Variants in ATRNL1 observed in about 807,000 individuals in gnomAD.
The protein encoded by ATRNL1 is attractin-like protein 1.
A neutral mutation model predicts 182.7 loss-of-function variants in ATRNL1; 95 were observed. The observed-to-expected ratio is 0.52, with a 90% confidence interval of 0.44 to 0.62. ATRNL1 has a LOEUF of 0.62. ATRNL1 is among the 20% of genes least tolerant of loss of function. The pLI, the probability that ATRNL1 is intolerant of heterozygous loss-of-function variation, is 0.00. For synonymous variants in ATRNL1, 576 were observed against 568.3 expected (o/e 1.01, Z -0.19); for missense variants, 1,471 against 1,679.5 (o/e 0.88, Z 2.17).
chr10:115,147,774 T>A (rs1341990233), intron 5 of ATRNL1, among the ~76,000 whole-genome samples: 2 of 152,082 alleles, frequency 1.3e-5, no homozygotes, highest in Non-Finnish European at 2.9e-5. Flanking sequence ...TCAGTGAGTA[T>A]AAATATGTAG....
chr10:115,614,482 GAGA>G (rs1425033881), intron 26 of ATRNL1, among the ~76,000 whole-genome samples: 1 of 152,158 alleles, frequency 6.6e-6, no homozygotes, highest in Non-Finnish European at 1.5e-5. Flanking sequence ...ATATGCTGAA[GAGA>G]AGATTGTTTT....
intron 24 of ATRNL1, among the ~76,000 whole-genome samples, chr10:115,497,058 T>C (rs1232236312): frequency 6.6e-6 from 1 of 152,298 alleles, no homozygotes; most frequent in Non-Finnish European, 1.5e-5. Flanking sequence ...TGTTCATTTT[T>C]TTAATTCTTT....
At chr10:115,476,151 T>G (rs1460308787) in intron 24 of ATRNL1, among the ~76,000 whole-genome samples, 1 of 151,374 alleles carries the variant, frequency 6.6e-6, no homozygotes, top group Non-Finnish European at 1.5e-5. Flanking sequence ...ATTTCCTGAT[T>G]TTTCCTGTGA....
intron 25 of ATRNL1, among the ~76,000 whole-genome samples, chr10:115,535,957 G>A (rs898062282): frequency 5.9e-5 from 9 of 151,490 alleles, no homozygotes; most frequent in African/African-American, 1.7e-4. Flanking sequence ...CTGTCTGATC[G>A]TTCCTCTGGA....
intron 1 of ATRNL1, among the ~76,000 whole-genome samples, chr10:115,109,910 T>C (rs1260414098): frequency 5.3e-5 from 8 of 152,280 alleles, no homozygotes; most frequent in Admixed American, 4.6e-4. Context: ...GGTACAACCA[T>C]CACCATTACC....
chr10:115,735,995 T>C (rs1947938944), intron 27 of ATRNL1, among the ~76,000 whole-genome samples: 1 of 152,196 alleles, frequency 6.6e-6, no homozygotes, highest in African/African-American at 2.4e-5. Flanking sequence ...TTCAGCAGTT[T>C]TATCACAATT....
chr10:115,774,382 A>T (rs1324114455), intron 27 of ATRNL1, among the ~76,000 whole-genome samples: 1 of 144,850 alleles, frequency 6.9e-6, no homozygotes, highest in African/African-American at 2.6e-5. Flanking sequence ...CCGAGATCAC[A>T]CCACTGCACT....
chr10:115,634,438 A>C (rs1277188975), intron 26 of ATRNL1, among the ~76,000 whole-genome samples: 4 of 152,176 alleles, frequency 2.6e-5, no homozygotes, highest in Non-Finnish European at 5.9e-5. Context: ...GTAACGTTTT[A>C]TGACTGATGA....
intron 19 of ATRNL1, among the ~76,000 whole-genome samples, chr10:115,368,383 C>G (rs1179285410): frequency 6.6e-6 from 1 of 152,218 alleles, no homozygotes; most frequent in Non-Finnish European, 1.5e-5. Flanking sequence ...TGCTTCGGCT[C>G]GCGCACGGTG....
At chr10:115,297,168 G>A (rs1853237401) in intron 15 of ATRNL1, among the ~76,000 whole-genome samples, 1 of 152,094 alleles carries the variant, frequency 6.6e-6, no homozygotes, top group Non-Finnish European at 1.5e-5. Flanking sequence ...AATGGCTAGA[G>A]GATAAGATAT....
At chr10:115,692,844 T>C (rs1438548169) in intron 26 of ATRNL1, among the ~76,000 whole-genome samples, 1 of 152,096 alleles carries the variant, frequency 6.6e-6, no homozygotes, top group East Asian at 1.9e-4. Context: ...TAGTGTTCAA[T>C]GTATATGTGA....
chr10:115,607,599 G>T (rs1321741801), intron 26 of ATRNL1, among the ~76,000 whole-genome samples: 4 of 151,784 alleles, frequency 2.6e-5, no homozygotes, highest in African/African-American at 9.7e-5. Flanking sequence ...ATTGTTGTTA[G>T]TACCCTAAGG....
rs1592317844 is a variant in ATRNL1 at position 115,246,812 on chromosome 10, G to A, written c.1687+5087G>A. On this transcript the variant is annotated intron_variant, in intron 10 of 28. Transcript: ENST00000355044. ...CCTGACCTCATGATCCACCCGCCTC[G>A]GCCTCCCAAAGTGCTGGGATTACAG... is the stretch of plus-strand genomic sequence containing the variant. Among the ~76,000 whole-genome samples the A allele has an allele frequency of 6.2e-5, 4 of 64,602 alleles. 2 individuals carry two copies. Among genetic ancestry groups the A allele is most frequent in the East Asian group, 5.8e-4 (2 of 3,454 alleles). 42.4% of individuals were successfully genotyped at this position (64,602 alleles called of 152,430 possible).
At position 115,094,157 on chromosome 10, in the gene ATRNL1, G is replaced by A. The variant is rs991067961; in HGVS notation, c.293+114G>A. The A allele has an allele frequency of 1.8e-5, 20 of 1,105,190 alleles. 1 individual carries two copies. In the South Asian group the frequency reaches 5.1e-4, roughly 28 times the overall value. The allele number at this position is 1,105,190 out of a possible 1,614,324, so 68.5% of individuals were successfully genotyped here. A position where few individuals can be genotyped will look rare whatever the true frequency, so the allele number is the denominator to read the frequency against. On this transcript the variant is annotated intron_variant, in intron 1 of 28. Transcript: ENST00000355044. The stretch of plus-strand genomic sequence containing the variant: ...CGTCGCTGCCTCTGATCCCCCGGCC[G>A]TGAGTGAACCTCAGCGCGCGGCGGG...
chr10:115,725,614 T>C (rs1174996451), intron 26 of ATRNL1, among the ~76,000 whole-genome samples: 3 of 152,192 alleles, frequency 2.0e-5, no homozygotes, highest in African/African-American at 7.2e-5. Context: ...TTTACAATTT[T>C]CTCAAGACTT....
chr10:115,555,974 T>C (rs11197299), intron 26 of ATRNL1, among the ~76,000 whole-genome samples: 4 of 151,740 alleles, frequency 2.6e-5, no homozygotes, highest in African/African-American at 9.7e-5. Context: ...AGTGCAATGC[T>C]CAAAGCTTAC....
At chr10:115,231,713 A>T (rs1285797140) in intron 9 of ATRNL1, among the ~76,000 whole-genome samples, 1 of 152,164 alleles carries the variant, frequency 6.6e-6, no homozygotes, top group African/African-American at 2.4e-5. Context: ...TGGGCACTTT[A>T]TTCATAAGAA....
At chr10:115,641,401 G>T (rs1385445229) in intron 26 of ATRNL1, among the ~76,000 whole-genome samples, 1 of 152,086 alleles carries the variant, frequency 6.6e-6, no homozygotes, top group Non-Finnish European at 1.5e-5. Flanking sequence ...CACAGAAGAG[G>T]CTTTTACTAT....
intron 24 of ATRNL1, among the ~76,000 whole-genome samples, chr10:115,509,564 C>T (rs1850283092): frequency 6.6e-6 from 1 of 151,970 alleles, no homozygotes. Context: ...GCCTGCTCCG[C>T]CTTCACCTTT....
Sources: allele counts gnomAD v4.1 joint callset (sites outside exome capture counted in the v4.1 genomes callset), GRCh38; gene constraint gnomAD v4.1.1; transcripts MANE v1.5; gene names NCBI Gene and HGNC (gene_info 2026-07-23, HGNC 2026-07-21).